Variants in PRKD1 observed in about 807,000 individuals in gnomAD.
PRKD1 encodes the protein protein kinase D1.
PRKD1 carries 63 observed loss-of-function variants against 95.9 expected under a neutral mutation model. The ratio of observed to expected loss-of-function variants is 0.66; its 90% confidence interval spans 0.54 to 0.81. PRKD1 has a LOEUF of 0.81. Among genes scored for constraint, PRKD1 ranks in the 30% least tolerant of loss-of-function variants. PRKD1 has a pLI of 0.00. For missense variants in PRKD1, 1,048 were observed against 1,165.3 expected, an observed-to-expected ratio of 0.90 and a Z score of 1.47; for synonymous variants, 425 against 423.1, an observed-to-expected ratio of 1.00 and a Z score of -0.05.
chr14:29,598,933 G>T, intron 15 of PRKD1, 94 bp downstream of exon 15: 1 of 1,055,480 alleles, frequency 9.5e-7, no homozygotes, highest in Non-Finnish European at 1.4e-6. Flanking sequence ...AACAAATAAA[G>T]GTTTTAAGGG....
intron 1 of PRKD1, among the ~76,000 whole-genome samples, chr14:29,871,296 C>A (rs1893097498): frequency 6.6e-6 from 1 of 152,194 alleles, no homozygotes; most frequent in African/African-American, 2.4e-5. Context: ...CCTTCCTCTT[C>A]TAAACTACAA....
chr14:29,702,898 T>C (rs2139331656), intron 2 of PRKD1, among the ~76,000 whole-genome samples: 1 of 152,308 alleles, frequency 6.6e-6, no homozygotes, highest in East Asian at 1.9e-4. Context: ...TCATGATTTG[T>C]TTGTTCTTTT....
At chr14:29,636,822 C>A (rs1296957163) in intron 6 of PRKD1, among the ~76,000 whole-genome samples, 2 of 152,062 alleles carry the variant, frequency 1.3e-5, no homozygotes, top group Non-Finnish European at 2.9e-5. Context: ...ACTATGTGAC[C>A]ATGTGTTCTC....
At chr14:29,675,689 T>C (rs867302229) in intron 2 of PRKD1, among the ~76,000 whole-genome samples, 1 of 152,114 alleles carries the variant, frequency 6.6e-6, no homozygotes, top group African/African-American at 2.4e-5. Flanking sequence ...CGTACGTTTA[T>C]TGTGGCACTA....
At chr14:29,694,751 C>G (rs185079156) in intron 2 of PRKD1, among the ~76,000 whole-genome samples, 1 of 152,204 alleles carries the variant, frequency 6.6e-6, no homozygotes, top group Non-Finnish European at 1.5e-5. Context: ...GAAGGACTCA[C>G]TGAGAAGGTG....
At chr14:29,694,069 G>A (rs1884388442) in intron 2 of PRKD1, among the ~76,000 whole-genome samples, 1 of 152,040 alleles carries the variant, frequency 6.6e-6, no homozygotes, top group Admixed American at 6.5e-5. Flanking sequence ...CTCTACCTTT[G>A]ACAGGAGGAG....
At chr14:29,810,262 T>C (rs1890425657) in intron 1 of PRKD1, among the ~76,000 whole-genome samples, 1 of 152,050 alleles carries the variant, frequency 6.6e-6, no homozygotes, top group Non-Finnish European at 1.5e-5. Flanking sequence ...ACTGGAAAAA[T>C]GGCAACAATA....
intron 11 of PRKD1, among the ~76,000 whole-genome samples, chr14:29,628,681 A>G (rs2139104292): frequency 6.6e-6 from 1 of 152,294 alleles, no homozygotes; most frequent in Admixed American, 6.5e-5. Context: ...GGCATTTTTA[A>G]GCTACTCATG....
intron 1 of PRKD1, among the ~76,000 whole-genome samples, chr14:29,848,908 A>C (rs761430043): frequency 5.3e-5 from 8 of 152,244 alleles, no homozygotes; most frequent in Non-Finnish European, 1.2e-4. Flanking sequence ...CAAGATCAAC[A>C]GGATGCTGGC....
intron 1 of PRKD1, among the ~76,000 whole-genome samples, chr14:29,843,784 A>T (rs1346826888): frequency 6.6e-6 from 1 of 152,190 alleles, no homozygotes; most frequent in East Asian, 1.9e-4. Context: ...ATGAGTTATA[A>T]AGTATGTTAG....
intron 1 of PRKD1, among the ~76,000 whole-genome samples, chr14:29,807,790 C>T (rs891710731): frequency 6.0e-5 from 9 of 151,254 alleles, no homozygotes; most frequent in Non-Finnish European, 1.3e-4. Context: ...GCATGATCTT[C>T]GGCTCACTGA....
At chr14:29,730,845 C>A (rs2139408226) in intron 1 of PRKD1, among the ~76,000 whole-genome samples, 1 of 151,928 alleles carries the variant, frequency 6.6e-6, no homozygotes, top group East Asian at 1.9e-4. Context: ...GTTACTGGGG[C>A]TAAGCGGTGG....
chr14:29,736,352 T>C (rs978915453), intron 1 of PRKD1, among the ~76,000 whole-genome samples: 1 of 152,216 alleles, frequency 6.6e-6, no homozygotes, highest in Non-Finnish European at 1.5e-5. Context: ...TACTTTAAAA[T>C]GATGTCTGGA....
intron 2 of PRKD1, among the ~76,000 whole-genome samples, chr14:29,711,574 C>G (rs945733868): frequency 6.6e-6 from 1 of 152,064 alleles, no homozygotes; most frequent in Non-Finnish European, 1.5e-5. Flanking sequence ...CTGCTTAAAA[C>G]CAAATTTAAA....
intron 1 of PRKD1, among the ~76,000 whole-genome samples, chr14:29,860,674 C>A (rs1405283615): frequency 1.3e-5 from 2 of 152,170 alleles, no homozygotes; most frequent in Non-Finnish European, 2.9e-5. Flanking sequence ...AATGCCTTTT[C>A]ACTTAATAAA....
chr14:29,601,190 G>A (rs2139018725), intron 13 of PRKD1, among the ~76,000 whole-genome samples: 1 of 152,324 alleles, frequency 6.6e-6, no homozygotes, highest in East Asian at 1.9e-4. Flanking sequence ...GGTTGTGGGT[G>A]AGTCTACATT....
intron 2 of PRKD1, among the ~76,000 whole-genome samples, chr14:29,698,160 T>C (rs973412705): frequency 6.6e-6 from 1 of 152,178 alleles, no homozygotes; most frequent in Non-Finnish European, 1.5e-5. Flanking sequence ...AAATTAAGTT[T>C]TGGAAAAACT....
chr14:29,647,065 G>A (rs1207696793), intron 4 of PRKD1, among the ~76,000 whole-genome samples: 2 of 151,854 alleles, frequency 1.3e-5, no homozygotes, highest in African/African-American at 2.4e-5. Flanking sequence ...ACAGTGAAAC[G>A]GTGGCTACAG....
intron 1 of PRKD1, among the ~76,000 whole-genome samples, chr14:29,790,839 C>A (rs1002102673): frequency 2.6e-5 from 4 of 152,112 alleles, no homozygotes; most frequent in African/African-American, 9.7e-5. Context: ...AAGAGTAGAT[C>A]TTAATCTACT....
Sources: allele counts gnomAD v4.1 joint callset (sites outside exome capture counted in the v4.1 genomes callset), GRCh38; gene constraint gnomAD v4.1.1; transcripts MANE v1.5; gene names NCBI Gene and HGNC (gene_info 2026-07-23, HGNC 2026-07-21).